VAC14: variants seen among roughly 807,000 people sequenced by gnomAD.
The protein encoded by VAC14 is VAC14 component of PIKFYVE complex.
Under a neutral mutation model 85.3 loss-of-function variants are expected in VAC14, and 47 were observed. The observed-to-expected ratio is 0.55, with a 90% CI of 0.44 to 0.70. The LOEUF is 0.70. Ranked by LOEUF, VAC14 falls within the 30% of genes least tolerant of loss-of-function variation. The probability of loss-of-function intolerance (pLI) is 0.00; values close to 1 mark genes in which losing one functional copy is unlikely to be tolerated. For missense variants in VAC14, 861 were observed against 1,004.3 expected (o/e 0.86, Z 1.93); for synonymous variants, 447 against 430.5 (o/e 1.04, Z -0.47).
chr16:70,740,295 C>A (rs951775043), intron 13 of VAC14, among the ~76,000 whole-genome samples: 4 of 152,202 alleles, frequency 2.6e-5, no homozygotes. Flanking sequence ...CATTGGGCCC[C>A]GTGGCAGGCA....
intron 14 of VAC14, among the ~76,000 whole-genome samples, chr16:70,705,553 C>T (rs2053904803): frequency 6.6e-6 from 1 of 152,242 alleles, no homozygotes; most frequent in Non-Finnish European, 1.5e-5. Flanking sequence ...AACAATAAGC[C>T]ACCAGCAGCG....
intron 14 of VAC14, among the ~76,000 whole-genome samples, chr16:70,706,151 G>C (rs2053916550): frequency 6.6e-6 from 1 of 152,250 alleles, no homozygotes; most frequent in South Asian, 2.1e-4. Context: ...TTTGGTCAGA[G>C]GGTGTCATGG....
intron 12 of VAC14, chr16:70,761,157 G>C: frequency 2.2e-6 from 1 of 455,720 alleles, no homozygotes; most frequent in South Asian, 1.6e-5. Flanking sequence ...CTTCAGCCCA[G>C]GTTCGGGAAA....
At chr16:70,800,252 A>T (rs2034719145) in intron 1 of VAC14, among the ~76,000 whole-genome samples, 1 of 152,252 alleles carries the variant, frequency 6.6e-6, no homozygotes, top group African/African-American at 2.4e-5. Context: ...AGAAAGGTCA[A>T]ATTATTTCTA....
At chr16:70,736,657 T>G (rs1170682295) in intron 13 of VAC14, among the ~76,000 whole-genome samples, 1 of 152,192 alleles carries the variant, frequency 6.6e-6, no homozygotes, top group Non-Finnish European at 1.5e-5. Flanking sequence ...ACCCTGGAGC[T>G]GAGGCCCTTA....
chr16:70,700,897 C>G (rs1422503699), intron 14 of VAC14, among the ~76,000 whole-genome samples: 1 of 152,184 alleles, frequency 6.6e-6, no homozygotes, highest in Non-Finnish European at 1.5e-5. Context: ...CTCCAGGGAT[C>G]CAGGCCGGCA....
chr16:70,702,761 C>T (rs59812853), intron 14 of VAC14, among the ~76,000 whole-genome samples: 18,192 of 152,156 alleles, frequency 0.12, 2,042 homozygotes, highest in African/African-American at 0.3. Flanking sequence ...AGTCAGGAAG[C>T]TGGGGAGGGA....
intron 14 of VAC14, among the ~76,000 whole-genome samples, chr16:70,710,688 G>A (rs912696531): frequency 5.3e-5 from 8 of 152,214 alleles, no homozygotes; most frequent in African/African-American, 1.4e-4. Context: ...CTGCCTCGTC[G>A]GTGCTGGACC....
chr16:70,759,597 T>C (rs942412402), intron 12 of VAC14, among the ~76,000 whole-genome samples: 1 of 152,128 alleles, frequency 6.6e-6, no homozygotes, highest in Non-Finnish European at 1.5e-5. Flanking sequence ...CACCGCACTC[T>C]AGCCTGGGCG....
rs545852133 is a variant in VAC14 at position 70,759,789 on chromosome 16, G to A, written c.1371+2751C>T. Among the ~76,000 whole-genome samples the A allele has an allele frequency of 1.6e-3, 244 of 152,220 alleles. 1 individual carries two copies. Among genetic ancestry groups the A allele is most frequent in the African/African-American group, 5.5e-3 (230 of 41,528 alleles). ...GGAAGATACAACCACACACAAGCTC[G>A]CCTCCTGCTGCTGACATGGGCTGGG... On this transcript the variant is annotated intron_variant, in intron 12 of 18. Coordinates refer to ENST00000261776, the MANE Select transcript of VAC14 (RefSeq NM_018052.5).
intron 12 of VAC14, chr16:70,756,101 T>A (rs760407329): frequency 2.2e-6 from 1 of 456,564 alleles, no homozygotes; most frequent in Non-Finnish European, 4.4e-6. Context: ...AGGGAGTACA[T>A]CTGTGGACCG....
intron 3 of VAC14, 143 bp downstream of exon 3, chr16:70,785,559 T>C (rs2143276863): frequency 1.0e-6 from 1 of 980,588 alleles, no homozygotes; most frequent in Non-Finnish European, 1.5e-6. Flanking sequence ...AATGATTAGA[T>C]TCAACAGACA....
chr16:70,708,655 G>A (rs1258720514), intron 14 of VAC14, among the ~76,000 whole-genome samples: 4 of 152,214 alleles, frequency 2.6e-5, no homozygotes, highest in Non-Finnish European at 5.9e-5. Flanking sequence ...GTCAGATGGC[G>A]AGGGCTGGGG....
chr16:70,701,425 C>G (rs2053825959), intron 14 of VAC14, among the ~76,000 whole-genome samples: 1 of 152,200 alleles, frequency 6.6e-6, no homozygotes, highest in Admixed American at 6.5e-5. Context: ...CCCAGCTGCT[C>G]AGGCCCAAAC....
intron 15 of VAC14, among the ~76,000 whole-genome samples, chr16:70,697,707 C>G (rs1268931366): frequency 6.6e-6 from 1 of 152,194 alleles, no homozygotes; most frequent in Non-Finnish European, 1.5e-5. Flanking sequence ...TGGAAACCAC[C>G]CAGGAACCCA....
At chr16:70,690,635 T>C in intron 18 of VAC14, 1 of 985,254 alleles carries the variant, frequency 1.0e-6, no homozygotes, top group Non-Finnish European at 1.2e-6. Context: ...TGTACAAAAC[T>C]CTCCCAGCTG....
intron 1 of VAC14, among the ~76,000 whole-genome samples, chr16:70,799,886 G>A (rs1339853535): frequency 6.6e-6 from 1 of 152,138 alleles, no homozygotes; most frequent in Non-Finnish European, 1.5e-5. Context: ...TTGAAATACG[G>A]GTAGTGTGAC....
At chr16:70,728,076 C>G (rs1261702177) in intron 14 of VAC14, among the ~76,000 whole-genome samples, 1 of 152,192 alleles carries the variant, frequency 6.6e-6, no homozygotes, top group Admixed American at 6.5e-5. Context: ...CACTGGGCTT[C>G]TAGTGGGGAT....
At position 70,692,829 on chromosome 16, in the gene VAC14, C is replaced by T. The variant is rs763072280; in HGVS notation, c.2178G>A (p.Leu726=). The T allele has an allele frequency of 6.3e-7, 1 of 1,599,542 alleles. No individual in the cohort carries two copies. The highest frequency in any genetic ancestry group is 1.1e-5 in the South Asian group (1 of 88,218). Residue 726 remains leucine (L), a synonymous_variant, in exon 18 of 19, where the codon CTG becomes CTA. Transcript: ENST00000261776. ...RLQCVPNPEL[L]QTEDSLKAAP... The stretch of plus-strand genomic sequence containing the variant: ...CCCCAGCCGGCACTCACTCGGTCTG[C>T]AGCAGCTCAGGGTTGGGCACGCACT...
Sources: gnomAD v4.1 joint callset for allele counts (sites outside exome capture counted in the v4.1 genomes callset) on GRCh38, gnomAD v4.1.1 for gene constraint, MANE v1.5 for transcripts, NCBI Gene and HGNC (gene_info 2026-07-23, HGNC 2026-07-21) for gene names.